TRIM26: variants seen among roughly 807,000 people sequenced by gnomAD.
TRIM26 encodes the protein tripartite motif containing 26.
In TRIM26, 16 loss-of-function variants were observed where a neutral mutation model predicts 45.5. The ratio of observed to expected loss-of-function variants is 0.35; its 90% CI spans 0.24 to 0.53. The LOEUF (loss-of-function observed/expected upper bound fraction) is 0.53, where lower values mean the gene tolerates loss of function less well. Ranked by LOEUF, TRIM26 falls within the 20% of genes least tolerant of loss-of-function variation. TRIM26 has a pLI of 0.92. For missense variants in TRIM26, 442 were observed against 691.1 expected, an observed-to-expected ratio of 0.64 and a Z score of 4.04; for synonymous variants, 273 against 290.4, an observed-to-expected ratio of 0.94 and a Z score of 0.61.
rs138966528 is a variant in TRIM26, at chr6:30,194,840, G to T, written c.765+1676C>A. 7.6e-3 allele frequency among the ~76,000 whole-genome samples: 1,160 copies of T among 152,284 alleles called. 9 individuals carry two copies. Among genetic ancestry groups the T allele is most frequent in the Middle Eastern group, 0.027 (8 of 294 alleles). ...CAACCCAGGAGGCGGAGATTACAGT[G>T]AGCTGAGATCACGCCACTGCACTCC... On this transcript the variant is annotated intron_variant, in intron 6 of 9. Coordinates refer to ENST00000454678, the MANE Select transcript of TRIM26 (RefSeq NM_003449.5).
At chr6:30,195,880 G>A (rs557425271) in intron 6 of TRIM26, among the ~76,000 whole-genome samples, 54 of 152,306 alleles carry the variant, frequency 3.5e-4, no homozygotes, top group African/African-American at 1.0e-3. Context: ...AGGCTCCCGG[G>A]GGGGAGGAGA....
Position 30,198,724 on chromosome 6 carries a change from G to A in TRIM26, c.380C>T (p.Ser127Phe). ...GGCCGTGTGGGGCCTGTGCTCCCGG[G>A]ACTCCCGGCACATCACGCACAGCAG... ...GKLLCVMCRE[S>F]REHRPHTAVL... Residue 127 changes from serine to phenylalanine, a missense_variant, in exon 4 of 10, where the codon TCC (serine) becomes TTC (phenylalanine). Transcript: ENST00000454678. This position sits in a 1 kb window ranked among gnomAD's most constrained non-coding sequence, Gnocchi z 6.3. The A allele has an allele frequency of 6.2e-7, 1 of 1,604,712 alleles. No individual in the cohort carries two copies. Among genetic ancestry groups the A allele is most frequent in the South Asian group, 1.1e-5 (1 of 91,052 alleles).
Position 30,184,809 on chromosome 6 carries a change from T to C in TRIM26, c.*1067A>G, listed in dbSNP as rs1774982347. 2 of 152,958 alleles carry C rather than the reference T, an allele frequency of 1.3e-5. No individual in the cohort carries two copies. Among genetic ancestry groups the C allele is most frequent in the African/African-American group, 2.4e-5 (1 of 41,442 alleles). The allele number at this position is 152,958 out of a possible 1,614,324, so 9.5% of individuals were successfully genotyped here. A position where few individuals can be genotyped will look rare whatever the true frequency, so the allele number is the denominator to read the frequency against. On this transcript the variant is annotated 3_prime_UTR_variant, in exon 10 of 10. Coordinates refer to ENST00000454678, the MANE Select transcript of TRIM26 (RefSeq NM_003449.5). The stretch of plus-strand genomic sequence containing the variant: ...CAGGGGAGCTTGTGTTAAACTGTGA[T>C]GATGAGGGGCACCTGGACAGAGGTT...
chr6:30,189,995 G>A lies in TRIM26; in HGVS notation c.788+18C>T, dbSNP rs1210948864. The A allele has an allele frequency of 6.2e-7, 1 of 1,612,840 alleles. No homozygotes were observed. Among genetic ancestry groups the A allele is most frequent in the Non-Finnish European group, 8.5e-7 (1 of 1,179,924 alleles). On this transcript the variant is annotated intron_variant, in intron 7 of 9. Transcript: ENST00000454678. The surrounding 1 kb of genome is among the most constrained non-coding windows in gnomAD (Gnocchi z 5.0). ...AACAAGGGGGATGAGGTACGCCATG[G>A]AGAGGAGACTCTTTTACCTGTTTAG... is the stretch of plus-strand genomic sequence containing the variant.
At chr6:30,202,301 A>G (rs1777266156) in intron 2 of TRIM26, among the ~76,000 whole-genome samples, 1 of 152,254 alleles carries the variant, frequency 6.6e-6, no homozygotes. Flanking sequence ...TGGGGATTAC[A>G]GAAGAATAAC....
chr6:30,212,592 AT>A (rs1778391840), intron 1 of TRIM26, among the ~76,000 whole-genome samples: 2 of 152,056 alleles, frequency 1.3e-5, no homozygotes, highest in East Asian at 1.9e-4. Context: ...TAAAAAGCCT[AT>A]TTTTTTTAAA....
chr6:30,205,415 T>A (rs1233978841), intron 1 of TRIM26, among the ~76,000 whole-genome samples: 2 of 152,178 alleles, frequency 1.3e-5, no homozygotes, highest in Non-Finnish European at 2.9e-5. Context: ...CCCTCCCCTA[T>A]AAGTCTCTGG....
chr6:30,189,305 G>A lies in TRIM26; in HGVS notation c.905-106C>T. On this transcript the variant is annotated intron_variant, in intron 8 of 9. Coordinates refer to ENST00000454678, the MANE Select transcript of TRIM26 (RefSeq NM_003449.5). This position sits in a 1 kb window ranked among gnomAD's most constrained non-coding sequence, Gnocchi z 5.0. ...TGATAGGGATCCATGTCTAAGACAA[G>A]AGGCCCTCAGAAGAGTGAGGATCGA... The A allele has an allele frequency of 1.3e-6, 2 of 1,572,440 alleles. No individual in the cohort carries two copies. The highest frequency in any genetic ancestry group is 1.7e-6 in the Non-Finnish European group (2 of 1,143,280).
At position 30,198,558 on chromosome 6, in the gene TRIM26, G is replaced by A; in HGVS notation, c.439-34C>T. ...AAACAAGCAGTGGCAACAGGTGGAT[G>A]CTCTGGGCTGGGGCAGGAAGGGAGA... On this transcript the variant is annotated intron_variant, in intron 4 of 9. Coordinates refer to ENST00000454678, the MANE Select transcript of TRIM26 (RefSeq NM_003449.5). This position sits in a 1 kb window ranked among gnomAD's most constrained non-coding sequence, Gnocchi z 6.3. The A allele has an allele frequency of 6.2e-7, 1 of 1,612,096 alleles. No individual in the cohort carries two copies. Among genetic ancestry groups the A allele is most frequent in the Non-Finnish European group, 8.5e-7 (1 of 1,179,196 alleles).
chr6:30,196,845 C>G lies in TRIM26; in HGVS notation c.535-99G>C. 2 of 1,157,624 alleles carry G rather than the reference C, an allele frequency of 1.7e-6. No homozygotes were observed. Among genetic ancestry groups the G allele is most frequent in the Non-Finnish European group, 2.5e-6 (2 of 805,072 alleles). 71.7% of individuals were successfully genotyped at this position (1,157,624 alleles called of 1,614,324 possible). Reference sequence around the variant, plus strand: ...AGGCTGGCTCGTTCACCTCGCTACCCCCGTTCAGGAATTCTACAGGATCTG... The same window carrying G: ...AGGCTGGCTCGTTCACCTCGCTACCGCCGTTCAGGAATTCTACAGGATCTG... On this transcript the variant is annotated intron_variant, in intron 5 of 9. Transcript: ENST00000454678. The surrounding 1 kb of genome is among the most constrained non-coding windows in gnomAD (Gnocchi z 4.9).
rs1775232976 is a variant in TRIM26, at chr6:30,186,674, C to T, written c.938-116G>A. ...CGTTAAACAAAATTAAAGTTGCATA[C>T]ATTAGTAATATAACTCAACATCCTT... On this transcript the variant is annotated intron_variant, in intron 9 of 9. Transcript: ENST00000454678. The surrounding 1 kb of genome is among the most constrained non-coding windows in gnomAD (Gnocchi z 7.4). The T allele has an allele frequency of 1.1e-5, 14 of 1,287,618 alleles. No homozygotes were observed. Among genetic ancestry groups the T allele is most frequent in the Non-Finnish European group, 1.5e-5 (14 of 964,996 alleles). 79.8% of individuals were successfully genotyped at this position (1,287,618 alleles called of 1,614,324 possible). A position where few individuals can be genotyped will look rare whatever the true frequency, so the allele number is the denominator to read the frequency against.
chr6:30,186,573 G>GA lies in TRIM26; in HGVS notation c.938-16dup, dbSNP rs28381562. 68,806 of 1,184,540 alleles carry GA rather than the reference G, an allele frequency of 0.058. 3 individuals are homozygous for GA. The highest frequency in any genetic ancestry group is 0.096 in the South Asian group (5,022 of 52,104). 73.4% of individuals were successfully genotyped at this position (1,184,540 alleles called of 1,614,324 possible). On this transcript the variant is annotated splice_polypyrimidine_tract_variant and intron_variant, in intron 9 of 9. Coordinates refer to ENST00000454678, the MANE Select transcript of TRIM26 (RefSeq NM_003449.5). This position sits in a 1 kb window ranked among gnomAD's most constrained non-coding sequence, Gnocchi z 7.4. Reference sequence around the variant, plus strand: ...GGTGACGCTCACTGTGGGGACAAGGGAAAAAAAAAAAAACAGCATCACTGT... The same window carrying GA: ...GGTGACGCTCACTGTGGGGACAAGGGAAAAAAAAAAAAAACAGCATCACTGT...
intron 6 of TRIM26, among the ~76,000 whole-genome samples, chr6:30,194,672 T>C (rs1003997810): frequency 2.6e-5 from 4 of 152,058 alleles, no homozygotes; most frequent in Admixed American, 2.6e-4. Flanking sequence ...CTGGCCAACA[T>C]GGTGAAACCC....
intron 1 of TRIM26, among the ~76,000 whole-genome samples, chr6:30,208,714 T>C (rs1777969225): frequency 6.6e-6 from 1 of 152,194 alleles, no homozygotes; most frequent in Non-Finnish European, 1.5e-5. Flanking sequence ...TATTTCTGCA[T>C]ACATGTTCTA....
rs562370564 is a variant in TRIM26 at position 30,203,708 on chromosome 6, C to T, written c.-266+948G>A. On this transcript the variant is annotated intron_variant, in intron 2 of 9. Transcript: ENST00000454678. Reference sequence around the variant, plus strand: ...CTGGGATTACAGGTGTGAGCCACCGCGCCCGGCTGAGAATACCTGTATTTC... The same window carrying T: ...CTGGGATTACAGGTGTGAGCCACCGTGCCCGGCTGAGAATACCTGTATTTC... 4.7e-4 allele frequency among the ~76,000 whole-genome samples: 72 copies of T among 152,202 alleles called. No individual in the cohort carries two copies. The East Asian group carries it at 4.8e-3, about 10-fold the overall frequency.
intron 1 of TRIM26, among the ~76,000 whole-genome samples, chr6:30,205,470 G>A (rs571700983): frequency 6.6e-6 from 1 of 152,226 alleles, no homozygotes; most frequent in Non-Finnish European, 1.5e-5. Context: ...ACTGGTCAAG[G>A]TGACACCATG....
At chr6:30,205,798 C>T (rs754812568) in intron 1 of TRIM26, among the ~76,000 whole-genome samples, 2 of 152,100 alleles carry the variant, frequency 1.3e-5, no homozygotes, top group Non-Finnish European at 2.9e-5. Flanking sequence ...GCCATGACTG[C>T]GCCACTGCAC....
chr6:30,207,949 A>G lies in TRIM26; in HGVS notation c.-375-3184T>C, dbSNP rs1410675877. On this transcript the variant is annotated intron_variant, in intron 1 of 9. Coordinates refer to ENST00000454678, the MANE Select transcript of TRIM26 (RefSeq NM_003449.5). This position sits in a 1 kb window ranked among gnomAD's most constrained non-coding sequence, Gnocchi z 4.9. ...CATGTAGTCTAGTTATACAGCCCCA[A>G]AACACCCCATGCTGCACCCTGTACT... Among the ~76,000 whole-genome samples the G allele has an allele frequency of 6.6e-6, 1 of 152,118 alleles. No homozygotes were observed. Among genetic ancestry groups the G allele is most frequent in the East Asian group, 1.9e-4 (1 of 5,200 alleles).
chr6:30,201,578 G>C (rs1269465978), intron 2 of TRIM26, among the ~76,000 whole-genome samples: 1 of 152,098 alleles, frequency 6.6e-6, no homozygotes, highest in Non-Finnish European at 1.5e-5. Context: ...GGGCACGGTG[G>C]CTCACACCTG....
Sources: allele counts gnomAD v4.1 joint callset (sites outside exome capture counted in the v4.1 genomes callset), GRCh38; gene constraint gnomAD v4.1.1; non-coding constraint Gnocchi (gnomAD v3.1); transcripts MANE v1.5; gene names NCBI Gene and HGNC (gene_info 2026-07-23, HGNC 2026-07-21).